MOCS1: variants seen among roughly 807,000 people sequenced by gnomAD.
MOCS1 encodes molybdenum cofactor biosynthesis protein 1.
Under a neutral mutation model 57.6 loss-of-function variants are expected in MOCS1, and 39 were observed. The ratio of observed to expected loss-of-function variants is 0.68; its 90% CI spans 0.52 to 0.88. The LOEUF is 0.88. Ranked by LOEUF, MOCS1 falls within the 40% of genes least tolerant of loss-of-function variation. MOCS1 has a pLI of 0.00. For synonymous variants in MOCS1, 334 were observed against 335.7 expected, an observed-to-expected ratio of 1.00 and a Z score of 0.05; for missense variants, 795 against 831.1, an observed-to-expected ratio of 0.96 and a Z score of 0.53.
Position 39,913,441 on chromosome 6 carries a change from C to T in MOCS1, c.646-13G>A. On this transcript the variant is annotated splice_polypyrimidine_tract_variant and intron_variant, in intron 5 of 10. Coordinates refer to ENST00000340692, the MANE Select transcript of MOCS1 (RefSeq NM_001358530.2). ...CCACACAGTTCACCTGGCCGGGGAA[C>T]AATGGGACCATGAGGGCTGTGCCCC... 1 of 1,610,418 alleles carries T rather than the reference C, an allele frequency of 6.2e-7. No homozygotes were observed.
chr6:39,910,901 C>A (rs949526887), intron 8 of MOCS1, among the ~76,000 whole-genome samples: 1 of 152,094 alleles, frequency 6.6e-6, no homozygotes, highest in African/African-American at 2.4e-5. Flanking sequence ...CATTTCTCCC[C>A]TACTTCCTCC....
intron 4 of MOCS1, among the ~76,000 whole-genome samples, chr6:39,914,929 C>G (rs1170988744): frequency 6.6e-6 from 1 of 151,588 alleles, no homozygotes; most frequent in Admixed American, 6.5e-5. Context: ...CCACCTCCCA[C>G]TTTCCCACCG....
intron 4 of MOCS1, among the ~76,000 whole-genome samples, chr6:39,915,652 G>A (rs531758678): frequency 5.8e-4 from 89 of 152,164 alleles, no homozygotes; most frequent in African/African-American, 2.1e-3. Context: ...GGCCTGCTGG[G>A]GGACCCCCTC....
Position 39,904,184 on chromosome 6 carries a change from G to GGT in MOCS1, c.*2172_*2173insAC, listed in dbSNP as rs1766650024. ...TATGGAAGCTGTTCAAGATACATTT[G>GGT]ATCTTCAGAAAAGCAGAATTTGGTT... On this transcript the variant is annotated 3_prime_UTR_variant, in exon 11 of 11. Coordinates refer to ENST00000340692, the MANE Select transcript of MOCS1 (RefSeq NM_001358530.2). The GGT allele has an allele frequency of 3.9e-5, 18 of 456,594 alleles. No homozygotes were observed. Among genetic ancestry groups the GGT allele is most frequent in the South Asian group, 2.8e-4 (18 of 64,556 alleles). The allele number at this position is 456,594 out of a possible 1,614,324, so 28.3% of individuals were successfully genotyped here. A position where few individuals can be genotyped will look rare whatever the true frequency, so the allele number is the denominator to read the frequency against.
In MOCS1 at chr6:39,912,762, C is replaced by T. The variant is rs991132200; in HGVS notation, c.870+130G>A. 7 of 810,002 alleles carry T rather than the reference C, an allele frequency of 8.6e-6. No individual in the cohort carries two copies. In the African/African-American group the frequency reaches 1.0e-4, roughly 12 times the overall value. 50.2% of individuals were successfully genotyped at this position (810,002 alleles called of 1,614,324 possible). On this transcript the variant is annotated intron_variant, in intron 7 of 10. Coordinates refer to ENST00000340692, the MANE Select transcript of MOCS1 (RefSeq NM_001358530.2). The stretch of plus-strand genomic sequence containing the variant: ...GGAGGTGGTTGTGATAGCACTGATG[C>T]TTCCTGCTTAAATGGTACCATCCCA...
At position 39,906,545 on chromosome 6, in the gene MOCS1, C is replaced by T. The variant is rs938403965; in HGVS notation, c.1723G>A (p.Val575Met). Residue 575 changes from valine to methionine, a missense_variant, in exon 11 of 11, where the codon GTG becomes ATG. By Grantham distance (21) the Val-to-Met change is conservative (BLOSUM62 1). This residue lies in a region of MOCS1 where 374 missense variants were observed against 422.6 expected (regional missense o/e 0.89). Transcript: ENST00000340692. ...GCCCGGCAAGATGCCTGGATCTTCA[C>T]GGCATGGCGTGTGCTGTCCAGCTCC... ...QLELDSTRHA[V>M]KIQASCRARG... is the part of the protein sequence containing the mutation. 43 of 1,613,782 alleles carry T rather than the reference C, an allele frequency of 2.7e-5. No individual in the cohort carries two copies. The highest frequency in any genetic ancestry group is 1.6e-4 in the Middle Eastern group (1 of 6,062).
At chr6:39,926,961 C>T (rs1440500614) in intron 2 of MOCS1, among the ~76,000 whole-genome samples, 3 of 151,312 alleles carry the variant, frequency 2.0e-5, no homozygotes, top group Admixed American at 2.0e-4. Context: ...TGGCTGTCTA[C>T]TTCAAATGTT....
intron 7 of MOCS1, among the ~76,000 whole-genome samples, 200 bp from the exon 8 acceptor site, chr6:39,912,574 C>G (rs1480652062): frequency 2.0e-5 from 3 of 152,144 alleles, no homozygotes; most frequent in Non-Finnish European, 4.4e-5. Context: ...CTGGCTTGCC[C>G]TAGATAAAAG....
intron 4 of MOCS1, among the ~76,000 whole-genome samples, chr6:39,914,866 G>C (rs562874767): frequency 1.7e-4 from 26 of 152,268 alleles, no homozygotes; most frequent in African/African-American, 6.0e-4. Context: ...CATGTGCCAG[G>C]AAATAAGAGA....
intron 10 of MOCS1, among the ~76,000 whole-genome samples, chr6:39,908,179 G>A (rs576930014): frequency 6.6e-6 from 1 of 152,324 alleles, no homozygotes; most frequent in South Asian, 2.1e-4. Context: ...TGGTCCTTGG[G>A]CTGTCTCTAG....
intron 1 of MOCS1, chr6:39,927,847 A>G: frequency 5.2e-6 from 5 of 966,472 alleles, no homozygotes; most frequent in Non-Finnish European, 7.0e-6. Flanking sequence ...TGAAGGCCAC[A>G]AGCAAGGCCC....
rs566442026 is a variant in MOCS1, at chr6:39,921,334, G to A, written c.418+4344C>T. On this transcript the variant is annotated intron_variant, in intron 3 of 10. Transcript: ENST00000340692. ...GAATGGCGTGAACCTGGGAGGCAGT[G>A]GTTGCAGTCAGCTCAGATCGCACCA... Among the ~76,000 whole-genome samples, 3 of 152,012 alleles carry A rather than the reference G, an allele frequency of 2.0e-5. No homozygotes were observed. The South Asian group carries it at 6.2e-4, about 32-fold the overall frequency.
rs1333151756 is a variant in MOCS1 at position 39,904,889 on chromosome 6, C to G, written c.*1468G>C. 4.4e-6 allele frequency: 2 copies of G among 453,966 alleles called. No individual in the cohort carries two copies. The highest frequency in any genetic ancestry group is 8.8e-6 in the Non-Finnish European group (2 of 226,798). 28.1% of individuals were successfully genotyped at this position (453,966 alleles called of 1,614,324 possible). Reference sequence around the variant, plus strand: ...TACCCAGTCTGCCTTTAAACTTGTGCCTTCTTCCTATGAGGGGATCTGGGG... The same window carrying G: ...TACCCAGTCTGCCTTTAAACTTGTGGCTTCTTCCTATGAGGGGATCTGGGG... On this transcript the variant is annotated 3_prime_UTR_variant, in exon 11 of 11. Coordinates refer to ENST00000340692, the MANE Select transcript of MOCS1 (RefSeq NM_001358530.2).
At chr6:39,912,650 C>T (rs1306538843) in intron 7 of MOCS1, among the ~76,000 whole-genome samples, 2 of 152,172 alleles carry the variant, frequency 1.3e-5, no homozygotes, top group African/African-American at 4.8e-5. Context: ...GATGAGCACC[C>T]CTCTCTGCCA....
At chr6:39,933,962 G>A (rs577960744) in intron 1 of MOCS1, among the ~76,000 whole-genome samples, 105 of 152,182 alleles carry the variant, frequency 6.9e-4, no homozygotes, top group African/African-American at 2.1e-3. Context: ...GAGGGTGGGT[G>A]CAAGGCAAGG....
In MOCS1 at chr6:39,905,850, G is replaced by T. The variant is rs1250479847; in HGVS notation, c.*507C>A. 2.1e-6 allele frequency: 1 copy of T among 468,466 alleles called. No homozygotes were observed. Among genetic ancestry groups the T allele is most frequent in the Non-Finnish European group, 4.4e-6 (1 of 226,700 alleles). 29.0% of individuals were successfully genotyped at this position (468,466 alleles called of 1,614,324 possible). A position where few individuals can be genotyped will look rare whatever the true frequency, so the allele number is the denominator to read the frequency against. ...CAGGACAGGACAGGGCAGGGCTGCGGCTTCACAGACTTAGGGAGGCAGAGC... is the reference window on the plus strand; with the variant it reads ...CAGGACAGGACAGGGCAGGGCTGCGTCTTCACAGACTTAGGGAGGCAGAGC... On this transcript the variant is annotated 3_prime_UTR_variant, in exon 11 of 11. Coordinates refer to ENST00000340692, the MANE Select transcript of MOCS1 (RefSeq NM_001358530.2).
intron 7 of MOCS1, 116 bp from the exon 8 acceptor site, chr6:39,912,490 C>A: frequency 1.3e-6 from 1 of 776,726 alleles, no homozygotes; most frequent in Non-Finnish European, 2.3e-6. Context: ...GAGGACCCCA[C>A]GTGAAGCTCC....
Position 39,907,120 on chromosome 6 carries a change from G to T in MOCS1, c.1151-3C>A, listed in dbSNP as rs1208762439. 1.2e-6 allele frequency: 2 copies of T among 1,607,884 alleles called. No homozygotes were observed. The highest frequency in any genetic ancestry group is 1.1e-5 in the South Asian group (1 of 90,266). Reference sequence around the variant, plus strand: ...ATTGGGGAACATCAAAAATAACTCTGCAAGGCAAGAAGAAAAGAGAAGAAA... The same window carrying T: ...ATTGGGGAACATCAAAAATAACTCTTCAAGGCAAGAAGAAAAGAGAAGAAA... On this transcript the variant is annotated splice_polypyrimidine_tract_variant and splice_region_variant and intron_variant, in intron 10 of 10. Transcript: ENST00000340692.
rs1355854929 is a variant in MOCS1, at chr6:39,905,564, T to C, written c.*793A>G. The stretch of plus-strand genomic sequence containing the variant: ...TAGCTTTATTTGTGCGCTGTGAGGG[T>C]GAAGGCAATCTATCATCAACTTTTC... On this transcript the variant is annotated 3_prime_UTR_variant, in exon 11 of 11. Transcript: ENST00000340692. 3 of 470,992 alleles carry C rather than the reference T, an allele frequency of 6.4e-6. No homozygotes were observed. The highest frequency in any genetic ancestry group is 6.0e-5 in the African/African-American group (3 of 50,050). 29.2% of individuals were successfully genotyped at this position (470,992 alleles called of 1,614,324 possible).
Sources: gnomAD v4.1 joint callset for allele counts (sites outside exome capture counted in the v4.1 genomes callset) on GRCh38, gnomAD v4.1.1 for gene constraint, gnomAD v4.1.1 regional missense constraint, MANE v1.5 for transcripts, NCBI Gene and HGNC (gene_info 2026-07-23, HGNC 2026-07-21) for gene names.